FKBP1A: variants seen among roughly 807,000 people sequenced by gnomAD.
FKBP1A encodes FKBP prolyl isomerase 1A, also known as peptidyl-prolyl cis-trans isomerase FKBP1A.
A neutral mutation model predicts 14.2 loss-of-function variants in FKBP1A; 5 were observed. The observed-to-expected ratio is 0.35, with a 90% confidence interval of 0.18 to 0.74. The LOEUF (loss-of-function observed/expected upper bound fraction) is 0.74, where lower values mean the gene tolerates loss of function less well. Among genes scored for constraint, FKBP1A ranks in the 30% least tolerant of loss-of-function variants. The pLI is 0.56. For synonymous variants in FKBP1A, 42 were observed against 49.1 expected (o/e 0.86, Z 0.60); for missense variants, 53 against 138.8 (o/e 0.38, Z 3.10).
At position 1,389,608 on chromosome 20, in the gene FKBP1A, C is replaced by T. The variant is rs6041943; in HGVS notation, c.85+3226G>A. ...CTCCTGGTTTTTCTCAGTCAGAAACCGGGAGGCTATACCTGACTTAAACCT... is the reference window on the plus strand; with the variant it reads ...CTCCTGGTTTTTCTCAGTCAGAAACTGGGAGGCTATACCTGACTTAAACCT... On this transcript the variant is annotated intron_variant, in intron 2 of 4. Coordinates refer to ENST00000400137, the MANE Select transcript of FKBP1A (RefSeq NM_000801.5). Among the ~76,000 whole-genome samples, 1,233 of 152,218 alleles carry T rather than the reference C, an allele frequency of 8.1e-3. 16 individuals carry two copies. The highest frequency in any genetic ancestry group is 0.027 in the African/African-American group (1,118 of 41,506).
rs894216381 is a variant in FKBP1A, at chr20:1,372,322, T to C, written c.199-82A>G. 3.4e-6 allele frequency: 5 copies of C among 1,480,400 alleles called. No homozygotes were observed. The East Asian group carries it at 1.1e-4, about 34-fold the overall frequency. 91.7% of individuals were successfully genotyped at this position (1,480,400 alleles called of 1,614,324 possible). On this transcript the variant is annotated intron_variant, in intron 3 of 4. Transcript: ENST00000400137. ...TAAGAAAAAGAGCTGTTTACCTAGG[T>C]GTTCCTTGGCCAGGATGGTATTGAC...
In FKBP1A at chr20:1,369,997, G is replaced by C. The variant is rs980327524; in HGVS notation, c.*112C>G. On this transcript the variant is annotated 3_prime_UTR_variant, in exon 5 of 5. Transcript: ENST00000400137. ...TCAGGGCAGATGTCTATACAAAGTG[G>C]AGTGGAACATCAGGAAAAGCTCCAT... 1.3e-6 allele frequency: 2 copies of C among 1,548,424 alleles called. No homozygotes were observed. Among genetic ancestry groups the C allele is most frequent in the Middle Eastern group, 1.7e-4 (1 of 5,874 alleles).
chr20:1,376,880 C>T (rs2089552029), intron 2 of FKBP1A: 1 of 152,166 alleles, frequency 6.6e-6, no homozygotes, highest in African/African-American at 2.4e-5. Context: ...GAGGAACAGA[C>T]ATCTGCAATA....
intron 2 of FKBP1A, among the ~76,000 whole-genome samples, chr20:1,382,831 G>A (rs1001725792): frequency 3.3e-5 from 5 of 152,126 alleles, no homozygotes; most frequent in African/African-American, 1.2e-4. Context: ...CGTCATCTTC[G>A]CCTGGGTCTC....
At chr20:1,370,648 A>G (rs1032418542) in intron 4 of FKBP1A, 1 of 985,308 alleles carries the variant, frequency 1.0e-6, no homozygotes, top group African/African-American at 1.7e-5. Flanking sequence ...TTTTCCTTCC[A>G]GACTCTTGCA....
intron 2 of FKBP1A, among the ~76,000 whole-genome samples, chr20:1,388,907 C>G (rs549335670): frequency 1.1e-4 from 16 of 152,154 alleles, no homozygotes; most frequent in Non-Finnish European, 1.5e-4. Flanking sequence ...TCTAACGCAC[C>G]GGTCTTCTTA....
chr20:1,377,922 T>C (rs2089569129), intron 2 of FKBP1A: 1 of 152,220 alleles, frequency 6.6e-6, no homozygotes, highest in Non-Finnish European at 1.5e-5. Flanking sequence ...AGGGGCCACC[T>C]GGAAGCAAGG....
At chr20:1,371,776 C>T (rs2089467783) in intron 4 of FKBP1A, 1 of 1,049,886 alleles carries the variant, frequency 9.5e-7, no homozygotes, top group Non-Finnish European at 1.1e-6. Flanking sequence ...ATTTGGCCTA[C>T]ATTTCCATAG....
chr20:1,374,108 C>G (rs562973847), intron 3 of FKBP1A, among the ~76,000 whole-genome samples: 1 of 152,200 alleles, frequency 6.6e-6, no homozygotes, highest in Non-Finnish European at 1.5e-5. Flanking sequence ...ATTTCTAATT[C>G]TCCTGGGTGA....
intron 4 of FKBP1A, chr20:1,371,249 G>A (rs367707629): frequency 8.3e-5 from 80 of 963,288 alleles, no homozygotes; most frequent in East Asian, 3.4e-4. Context: ...GAAAAGTTAC[G>A]TGCTACTAGG....
intron 2 of FKBP1A, among the ~76,000 whole-genome samples, chr20:1,387,212 C>T (rs942717583): frequency 3.3e-5 from 5 of 151,704 alleles, no homozygotes; most frequent in African/African-American, 1.2e-4. Context: ...TTCAATAAAG[C>T]TGTTACCAAG....
Position 1,369,754 on chromosome 20 carries a change from G to T in FKBP1A, c.*355C>A. 3.3e-6 allele frequency: 1 copy of T among 301,194 alleles called. No homozygotes were observed. The highest frequency in any genetic ancestry group is 2.2e-5 in the African/African-American group (1 of 45,276). The allele number at this position is 301,194 out of a possible 1,614,324, so 18.7% of individuals were successfully genotyped here. A position where few individuals can be genotyped will look rare whatever the true frequency, so the allele number is the denominator to read the frequency against. ...CCCCAACACCAATTCCTATTCTAAT[G>T]TTAACCTACCACTTGTGCTGTTAAT... On this transcript the variant is annotated 3_prime_UTR_variant, in exon 5 of 5. Coordinates refer to ENST00000400137, the MANE Select transcript of FKBP1A (RefSeq NM_000801.5).
intron 4 of FKBP1A, 110 bp from the exon 5 acceptor site, chr20:1,370,182 G>A: frequency 2.0e-6 from 3 of 1,487,396 alleles, no homozygotes; most frequent in Non-Finnish European, 2.7e-6. Flanking sequence ...CAACAGCTGA[G>A]CAGTCTGAGA....
At position 1,369,381 on chromosome 20, in the gene FKBP1A, GAAA is replaced by G. The variant is rs376816789; in HGVS notation, c.*725_*727del. The G allele has an allele frequency of 1.3e-5, 2 of 153,240 alleles. No homozygotes were observed. Among genetic ancestry groups the G allele is most frequent in the Non-Finnish European group, 1.5e-5 (1 of 64,570 alleles). 9.5% of individuals were successfully genotyped at this position (153,240 alleles called of 1,614,324 possible). A position where few individuals can be genotyped will look rare whatever the true frequency, so the allele number is the denominator to read the frequency against. On this transcript the variant is annotated 3_prime_UTR_variant, in exon 5 of 5. Coordinates refer to ENST00000400137, the MANE Select transcript of FKBP1A (RefSeq NM_000801.5). ...AAGTCCATTAGAAAAACCACAGGATGAAAAAAAAAAAAGGCCACAAAGAAGGCT... is the reference window on the plus strand; with the variant it reads ...AAGTCCATTAGAAAAACCACAGGATGAAAAAAAAAGGCCACAAAGAAGGCT...
chr20:1,389,963 G>A (rs905571895), intron 2 of FKBP1A, among the ~76,000 whole-genome samples: 1 of 152,134 alleles, frequency 6.6e-6, no homozygotes, highest in Non-Finnish European at 1.5e-5. Flanking sequence ...TTTTCCCTCT[G>A]GTACCACAGA....
At chr20:1,383,664 A>G (rs980838037) in intron 2 of FKBP1A, among the ~76,000 whole-genome samples, 6 of 142,830 alleles carry the variant, frequency 4.2e-5, no homozygotes, top group Admixed American at 1.5e-4. Context: ...CATGTCCCCA[A>G]TCCTGTTTCT....
At position 1,393,053 on chromosome 20, in the gene FKBP1A, G is replaced by A. The variant is rs551521112; in HGVS notation, c.-55C>T. On this transcript the variant is annotated 5_prime_UTR_variant, in exon 1 of 5. Coordinates refer to ENST00000400137, the MANE Select transcript of FKBP1A (RefSeq NM_000801.5). ...GCGCGACGGGCGGCGTGGACCAACA[G>A]CGACCTGGCGGCGGTTCCACGGCTC... is the stretch of plus-strand genomic sequence containing the variant. The A allele has an allele frequency of 2.6e-5, 31 of 1,198,170 alleles. No individual in the cohort carries two copies. Among genetic ancestry groups the A allele is most frequent in the Middle Eastern group, 5.9e-4 (2 of 3,370 alleles). The allele number at this position is 1,198,170 out of a possible 1,614,324, so 74.2% of individuals were successfully genotyped here. A position where few individuals can be genotyped will look rare whatever the true frequency, so the allele number is the denominator to read the frequency against.
At chr20:1,388,750 G>A (rs1445604706) in intron 2 of FKBP1A, among the ~76,000 whole-genome samples, 1 of 85,486 alleles carries the variant, frequency 1.2e-5, no homozygotes, top group Non-Finnish European at 2.5e-5. Context: ...CGTGGGTTGG[G>A]GGGGCGGGGG....
chr20:1,379,226 A>T lies in FKBP1A; in HGVS notation c.86-3623T>A, dbSNP rs553702587. Among the ~76,000 whole-genome samples, 1 of 152,334 alleles carries T rather than the reference A, an allele frequency of 6.6e-6. No individual in the cohort carries two copies. The highest frequency in any genetic ancestry group is 2.1e-4 in the South Asian group (1 of 4,828). On this transcript the variant is annotated intron_variant, in intron 2 of 4. Coordinates refer to ENST00000400137, the MANE Select transcript of FKBP1A (RefSeq NM_000801.5). The surrounding 1 kb of genome is among the most constrained non-coding windows in gnomAD (Gnocchi z 4.3). ...TCCTTTTTATTCCTGATCAAATGCA[A>T]TGCCAAGCAACCTCCAGACACTACA...
Sources: allele counts gnomAD v4.1 joint callset (sites outside exome capture counted in the v4.1 genomes callset), GRCh38; gene constraint gnomAD v4.1.1; non-coding constraint Gnocchi (gnomAD v3.1); transcripts MANE v1.5; gene names NCBI Gene and HGNC (gene_info 2026-07-23, HGNC 2026-07-21).